Variants in PSMC2 observed in about 807,000 individuals in gnomAD.
PSMC2 encodes 26S proteasome regulatory subunit 7.
Under a neutral mutation model 53.3 loss-of-function variants are expected in PSMC2, and 7 were observed. The observed-to-expected ratio is 0.13, with a 90% CI of 0.07 to 0.25. The LOEUF (loss-of-function observed/expected upper bound fraction) is 0.25. Among genes scored for constraint, PSMC2 ranks in the 10% least tolerant of loss-of-function variants. The pLI is 1.00. For missense variants in PSMC2, 241 were observed against 544.0 expected (o/e 0.44, Z 5.54); for synonymous variants, 169 against 183.9 (o/e 0.92, Z 0.66).
At chr7:103,363,025 C>G (rs1188743838) in intron 6 of PSMC2, among the ~76,000 whole-genome samples, 1 of 151,978 alleles carries the variant, frequency 6.6e-6, no homozygotes, top group African/African-American at 2.4e-5. Flanking sequence ...AACTCATGAC[C>G]TCAAGTGTTT....
chr7:103,361,335 CT>C (rs1284409365), intron 4 of PSMC2, among the ~76,000 whole-genome samples: 1 of 133,430 alleles, frequency 7.5e-6, no homozygotes, highest in African/African-American at 2.9e-5. Flanking sequence ...CCCCTCTCTA[CT>C]AAAAAAAAAA....
At chr7:103,354,363 C>T (rs530597119) in intron 2 of PSMC2, among the ~76,000 whole-genome samples, 12 of 148,764 alleles carry the variant, frequency 8.1e-5, no homozygotes, top group Middle Eastern at 3.5e-3. Context: ...ATTTCACACA[C>T]GATTTTTTTT....
chr7:103,355,842 C>T (rs1211373397), intron 4 of PSMC2, 49 bp downstream of exon 4: 1 of 1,351,928 alleles, frequency 7.4e-7, no homozygotes, highest in Admixed American at 1.8e-5. Flanking sequence ...TATTTTCAAG[C>T]ACTTAATGTT....
At position 103,354,897 on chromosome 7, in the gene PSMC2, G is replaced by A; in HGVS notation, c.138G>A (p.Lys46=). The A allele has an allele frequency of 6.2e-7, 1 of 1,613,490 alleles. No individual in the cohort carries two copies. The highest frequency in any genetic ancestry group is 1.3e-5 in the African/African-American group (1 of 75,030). Residue 46 remains lysine, a synonymous_variant, in exon 3 of 12, where the codon AAG becomes AAA. Transcript: ENST00000292644. ...YGQSTYSRQI[K]QVEDDIQQLL... ...AGAGCACTTACTCTAGGCAGATCAA[G>A]CAAGTTGAAGATGACATTCAGCAAC... is the stretch of plus-strand genomic sequence containing the variant.
Position 103,363,446 on chromosome 7 carries a change from A to G in PSMC2, c.591+7A>G. 5 of 1,598,860 alleles carry G rather than the reference A, an allele frequency of 3.1e-6. No homozygotes were observed. Among genetic ancestry groups the G allele is most frequent in the Non-Finnish European group, 4.3e-6 (5 of 1,166,104 alleles). On this transcript the variant is annotated splice_region_variant and intron_variant, in intron 7 of 11. Transcript: ENST00000292644. ...TGAAACCCCATTACTTCATGTAAGT[A>G]GCTGAGTGTTGTATTTAAATTTCTT...
intron 1 of PSMC2, chr7:103,352,957 T>G (rs376036681): frequency 1.5e-5 from 12 of 780,666 alleles, no homozygotes; most frequent in African/African-American, 3.4e-5. Context: ...GACTTGTTCT[T>G]AGTTGTGAAC....
rs571188683 is a variant in PSMC2, at chr7:103,368,043, A to G, written c.1291A>G (p.Thr431Ala). 2 of 1,611,694 alleles carry G rather than the reference A, an allele frequency of 1.2e-6. No individual in the cohort carries two copies. Among genetic ancestry groups the G allele is most frequent in the African/African-American group, 2.7e-5 (2 of 74,880 alleles). Residue 431 changes from threonine to alanine, a missense_variant, in exon 12 of 12, where the codon ACA becomes GCA. Thr to Ala is a moderately conservative substitution (Grantham distance 58). This residue lies in a region of PSMC2 where 60 missense variants were observed against 115.8 expected (regional missense o/e 0.52). Transcript: ENST00000292644. ...ATTCAGTGCTACTCCTCGTTACATG[A>G]CATACAACTGAACCCTGAAGGCTTT... ...AKFSATPRYM[T>A]YN
chr7:103,360,660 G>A (rs556045187), intron 4 of PSMC2, among the ~76,000 whole-genome samples: 1 of 152,264 alleles, frequency 6.6e-6, no homozygotes, highest in East Asian at 1.9e-4. Context: ...TTATGTAGCA[G>A]CTTTCTAATG....
At chr7:103,348,104 T>G (rs999189966) in intron 1 of PSMC2, among the ~76,000 whole-genome samples, 3 of 152,114 alleles carry the variant, frequency 2.0e-5, no homozygotes, top group African/African-American at 7.2e-5. Context: ...CTCTTTCCTC[T>G]CCTCCTCCTT....
In PSMC2 at chr7:103,361,965, A is replaced by G. The variant is rs767340599; in HGVS notation, c.299A>G (p.Lys100Arg). Reference protein sequence around the residue: ...EQPLQVARCTKIINADSEDPK... With the variant: ...EQPLQVARCTRIINADSEDPK... ...GCTTTTTGCTGTGTTAGGTGTACAA[A>G]GATAATCAATGCTGATTCGGAGGAC... The change falls in exon 5 of 12, where the codon AAG (lysine) becomes AGG (arginine). Residue 100 changes from lysine to arginine, a missense_variant. Coordinates refer to ENST00000292644, the MANE Select transcript of PSMC2 (RefSeq NM_002803.4). 1.3e-5 allele frequency: 21 copies of G among 1,611,256 alleles called. No individual in the cohort carries two copies. The highest frequency in any genetic ancestry group is 1.7e-5 in the Non-Finnish European group (20 of 1,179,400).
At chr7:103,366,813 TTTTTG>T (rs376406023) in intron 9 of PSMC2, among the ~76,000 whole-genome samples, 22 of 152,288 alleles carry the variant, frequency 1.4e-4, no homozygotes, top group African/African-American at 5.1e-4. Context: ...TAGACTTTTT[TTTTTG>T]TTTTAAGAAA....
In PSMC2 at chr7:103,368,612, G is replaced by A. The variant is rs1820847829; in HGVS notation, c.*558G>A. On this transcript the variant is annotated 3_prime_UTR_variant, in exon 12 of 12. Coordinates refer to ENST00000292644, the MANE Select transcript of PSMC2 (RefSeq NM_002803.4). Reference sequence around the variant, plus strand: ...TTTGGCCAAAGCTTTTTTAAAGTAGGAGAAACATTGGATGTATATGTTTTG... The same window carrying A: ...TTTGGCCAAAGCTTTTTTAAAGTAGAAGAAACATTGGATGTATATGTTTTG... 2 of 152,096 alleles carry A rather than the reference G, an allele frequency of 1.3e-5. No homozygotes were observed. Among genetic ancestry groups the A allele is most frequent in the South Asian group, 4.1e-4 (2 of 4,828 alleles). 9.4% of individuals were successfully genotyped at this position (152,096 alleles called of 1,614,324 possible).
intron 8 of PSMC2, 107 bp downstream of exon 8, chr7:103,364,414 TTTTTC>T (rs1423170790): frequency 5.3e-6 from 7 of 1,319,912 alleles, no homozygotes; most frequent in Admixed American, 2.1e-5. Context: ...TGAAATTTCT[TTTTTC>T]TTTTGTTGAG....
rs1477684301 is a variant in PSMC2 at position 103,352,749 on chromosome 7, A to T, written c.71-1172A>T. 8 of 738,262 alleles carry T rather than the reference A, an allele frequency of 1.1e-5. No homozygotes were observed. In the Admixed American group the frequency reaches 1.4e-4, roughly 13 times the overall value. The allele number at this position is 738,262 out of a possible 1,614,324, so 45.7% of individuals were successfully genotyped here. A position where few individuals can be genotyped will look rare whatever the true frequency, so the allele number is the denominator to read the frequency against. On this transcript the variant is annotated intron_variant, in intron 1 of 11. Transcript: ENST00000292644. ...ATCCTGGTAGATTCATTTTTTCTTT[A>T]TTTCACAAAAGAGAAAACAAAGTTC...
rs1441758445 is a variant in PSMC2, at chr7:103,352,215, T to TTAAA, written c.71-1706_71-1705insTAAA. Among the ~76,000 whole-genome samples, 29 of 40,624 alleles carry TTAAA rather than the reference T, an allele frequency of 7.1e-4. 1 individual carries two copies. Among genetic ancestry groups the TTAAA allele is most frequent in the African/African-American group, 2.3e-3 (26 of 11,382 alleles). 26.7% of individuals were successfully genotyped at this position (40,624 alleles called of 152,430 possible). On this transcript the variant is annotated intron_variant, in intron 1 of 11. Coordinates refer to ENST00000292644, the MANE Select transcript of PSMC2 (RefSeq NM_002803.4). ...TTTCCTACCTCTACTCATACTTAGT[T>TTAAA]AAAAAAAAAAAAAAAAAAAAAAAAA...
chr7:103,362,788 CTA>C, intron 6 of PSMC2, 30 bp downstream of exon 6: 1 of 1,199,684 alleles, frequency 8.3e-7, no homozygotes, highest in Non-Finnish European at 1.2e-6. Flanking sequence ...AAAAGGAAGG[CTA>C]TGTCTTTTTT....
intron 6 of PSMC2, among the ~76,000 whole-genome samples, chr7:103,363,054 A>G (rs1820506501): frequency 6.6e-6 from 1 of 152,156 alleles, no homozygotes; most frequent in African/African-American, 2.4e-5. Context: ...TCAGCCTCCC[A>G]AAGTGCTGGG....
intron 8 of PSMC2, 125 bp downstream of exon 8, chr7:103,364,432 A>T: frequency 1.5e-5 from 16 of 1,073,958 alleles, no homozygotes; most frequent in Non-Finnish European, 2.0e-5. Flanking sequence ...TTGTTGAGAC[A>T]GAGTCTCATT....
Position 103,369,340 on chromosome 7 carries a change from T to C in PSMC2, c.*1286T>C, listed in dbSNP as rs919808789. 6.6e-6 allele frequency: 1 copy of C among 152,222 alleles called. No individual in the cohort carries two copies. Among genetic ancestry groups the C allele is most frequent in the African/African-American group, 2.4e-5 (1 of 41,456 alleles). 9.4% of individuals were successfully genotyped at this position (152,222 alleles called of 1,614,324 possible). On this transcript the variant is annotated 3_prime_UTR_variant, in exon 12 of 12. Coordinates refer to ENST00000292644, the MANE Select transcript of PSMC2 (RefSeq NM_002803.4). ...AATAAAATATACTTAAGAAAATGAC[T>C]GAAGATGTATGTTTTTGAATGTTTT...
Sources: gnomAD v4.1 joint callset for allele counts (sites outside exome capture counted in the v4.1 genomes callset) on GRCh38, gnomAD v4.1.1 for gene constraint, gnomAD v4.1.1 regional missense constraint, MANE v1.5 for transcripts, NCBI Gene and HGNC (gene_info 2026-07-23, HGNC 2026-07-21) for gene names.